Variants in WDR70 observed in about 807,000 individuals in gnomAD.
The protein encoded by WDR70 is WD repeat-containing protein 70.
WDR70 carries 53 observed loss-of-function variants against 88.6 expected under a neutral mutation model. That is an observed-to-expected ratio of 0.60 (90% CI 0.48 to 0.75). The LOEUF (loss-of-function observed/expected upper bound fraction) is 0.75. Among genes scored for constraint, WDR70 ranks in the 30% least tolerant of loss-of-function variants. The pLI, the probability that WDR70 is intolerant of heterozygous loss-of-function variation, is 0.00. For missense variants in WDR70, 610 were observed against 823.2 expected, an observed-to-expected ratio of 0.74 and a Z score of 3.17; for synonymous variants, 280 against 270.0, an observed-to-expected ratio of 1.04 and a Z score of -0.36.
At chr5:37,516,628 C>A (rs948950090) in intron 9 of WDR70, 38 bp downstream of exon 9, 17 of 1,393,258 alleles carry the variant, frequency 1.2e-5, no homozygotes, top group Admixed American at 1.7e-5. Flanking sequence ...ACATTCATAT[C>A]TTTAGGTATT....
chr5:37,651,920 C>G (rs1745419959), intron 10 of WDR70, among the ~76,000 whole-genome samples: 1 of 152,194 alleles, frequency 6.6e-6, no homozygotes, highest in Non-Finnish European at 1.5e-5. Flanking sequence ...CCTGTTCACT[C>G]TGATGATGTT....
intron 17 of WDR70, among the ~76,000 whole-genome samples, chr5:37,740,011 A>T (rs944941989): frequency 2.6e-5 from 4 of 152,158 alleles, no homozygotes; most frequent in African/African-American, 9.7e-5. Context: ...TAAAAGTGGG[A>T]ATTTGTGGAC....
At chr5:37,484,302 C>T (rs1057250215) in intron 8 of WDR70, among the ~76,000 whole-genome samples, 18 of 152,344 alleles carry the variant, frequency 1.2e-4, no homozygotes, top group East Asian at 3.9e-4. Context: ...TCTGCAATCC[C>T]GGCACCTCGG....
intron 17 of WDR70, among the ~76,000 whole-genome samples, chr5:37,750,103 A>G (rs1748761565): frequency 6.6e-6 from 1 of 152,226 alleles, no homozygotes; most frequent in Non-Finnish European, 1.5e-5. Context: ...TGTCAAGATT[A>G]TAGAACATTT....
intron 9 of WDR70, among the ~76,000 whole-genome samples, chr5:37,527,521 A>G (rs1249513048): frequency 6.6e-6 from 1 of 152,236 alleles, no homozygotes; most frequent in Non-Finnish European, 1.5e-5. Flanking sequence ...ACCTAAAACT[A>G]TATAAACCCT....
intron 13 of WDR70, among the ~76,000 whole-genome samples, chr5:37,706,639 G>C (rs371680671): frequency 6.6e-6 from 1 of 151,928 alleles, no homozygotes; most frequent in Non-Finnish European, 1.5e-5. Flanking sequence ...GTGGAACTGC[G>C]AGTCAATTAA....
At chr5:37,398,641 T>C (rs10056350) in intron 5 of WDR70, among the ~76,000 whole-genome samples, 147,953 of 152,304 alleles carry the variant, frequency 0.97, 72,025 homozygotes, top group East Asian at 1. Flanking sequence ...TCATATGAAA[T>C]AACAGATCTA....
chr5:37,516,637 T>G, intron 9 of WDR70, 47 bp downstream of exon 9: 1 of 1,350,860 alleles, frequency 7.4e-7, no homozygotes, highest in Non-Finnish European at 1.0e-6. Flanking sequence ...TCTTTAGGTA[T>G]TTTATTTAAC....
At chr5:37,562,280 C>T (rs1373724062) in intron 9 of WDR70, among the ~76,000 whole-genome samples, 4 of 151,986 alleles carry the variant, frequency 2.6e-5, no homozygotes, top group South Asian at 2.1e-4. Flanking sequence ...TTGCTTGAAC[C>T]GGGAGGCAGA....
intron 17 of WDR70, among the ~76,000 whole-genome samples, chr5:37,741,078 A>G (rs1281174189): frequency 6.6e-6 from 1 of 152,078 alleles, no homozygotes; most frequent in East Asian, 1.9e-4. Flanking sequence ...AGTCCTGGAA[A>G]TTAGAAAACA....
chr5:37,623,978 A>T (rs1440315845), intron 10 of WDR70, among the ~76,000 whole-genome samples: 1 of 152,352 alleles, frequency 6.6e-6, no homozygotes, highest in East Asian at 1.9e-4. Flanking sequence ...TATTTGATAC[A>T]TATAATGTAT....
At chr5:37,580,316 G>T (rs553430664) in intron 9 of WDR70, among the ~76,000 whole-genome samples, 61 of 152,186 alleles carry the variant, frequency 4.0e-4, no homozygotes, top group African/African-American at 1.4e-3. Flanking sequence ...AACCCCTTTG[G>T]TGTCCCATCT....
At chr5:37,451,810 A>G (rs573477656) in intron 7 of WDR70, among the ~76,000 whole-genome samples, 154 of 152,308 alleles carry the variant, frequency 1.0e-3, no homozygotes, top group Non-Finnish European at 1.6e-3. Flanking sequence ...TCTGGCCAAC[A>G]TGATGAAACC....
At chr5:37,660,489 G>A (rs1265031576) in intron 10 of WDR70, among the ~76,000 whole-genome samples, 2 of 150,934 alleles carry the variant, frequency 1.3e-5, no homozygotes, top group South Asian at 2.1e-4. Flanking sequence ...CTCTTATTGG[G>A]TACATACACA....
intron 11 of WDR70, among the ~76,000 whole-genome samples, 143 bp from the exon 12 acceptor site, chr5:37,700,903 CTTCTTTCTTCCT>C (rs1388280493): frequency 6.6e-6 from 1 of 152,102 alleles, no homozygotes; most frequent in African/African-American, 2.4e-5. Flanking sequence ...GTGAATCTAG[CTTCTTTCTTCCT>C]TTCTTTCTTC....
intron 7 of WDR70, among the ~76,000 whole-genome samples, chr5:37,449,749 A>G (rs1738611834): frequency 6.6e-6 from 1 of 151,766 alleles, no homozygotes; most frequent in Non-Finnish European, 1.5e-5. Flanking sequence ...CTTTATTATT[A>G]TTATTATTTT....
chr5:37,406,439 A>G (rs943406425), intron 5 of WDR70, among the ~76,000 whole-genome samples: 7 of 152,236 alleles, frequency 4.6e-5, no homozygotes, highest in African/African-American at 1.7e-4. Flanking sequence ...GGGATGCAAT[A>G]TAGAATCGTG....
chr5:37,581,812 G>A (rs6898024), intron 9 of WDR70, among the ~76,000 whole-genome samples: 10,948 of 152,156 alleles, frequency 0.072, 627 homozygotes, highest in African/African-American at 0.16. Context: ...CAGCAGAGAG[G>A]CAAAGCTATC....
At chr5:37,576,848 G>C (rs1581407177) in intron 9 of WDR70, among the ~76,000 whole-genome samples, 1 of 144,884 alleles carries the variant, frequency 6.9e-6, no homozygotes, top group Non-Finnish European at 1.5e-5. Context: ...TTTATTTTTT[G>C]TAATAAAAAG....
Sources: gnomAD v4.1 joint callset for allele counts (sites outside exome capture counted in the v4.1 genomes callset) on GRCh38, gnomAD v4.1.1 for gene constraint, MANE v1.5 for transcripts, NCBI Gene and HGNC (gene_info 2026-07-23, HGNC 2026-07-21) for gene names.